Variants in HDAC9 observed in about 807,000 individuals in gnomAD.
HDAC9 encodes the protein histone deacetylase 9.
In HDAC9, 41 loss-of-function variants were observed where a neutral mutation model predicts 139.4. That is an observed-to-expected ratio of 0.29 (90% CI 0.23 to 0.38). HDAC9 has a LOEUF of 0.38. HDAC9 is among the 10% of genes least tolerant of loss of function. HDAC9 has a pLI of 1.00. For synonymous variants in HDAC9, 517 were observed against 476.2 expected (o/e 1.09, Z -1.12); for missense variants, 1,147 against 1,297.0 (o/e 0.88, Z 1.78).
chr7:18,689,855 A>G (rs1203969431), intron 12 of HDAC9, among the ~76,000 whole-genome samples: 2 of 152,004 alleles, frequency 1.3e-5, no homozygotes, highest in African/African-American at 4.8e-5. Context: ...GAGAGGGAAT[A>G]ATCCAAATTG....
intron 2 of HDAC9, among the ~76,000 whole-genome samples, chr7:18,201,022 C>T (rs1407413386): frequency 6.6e-6 from 1 of 152,124 alleles, no homozygotes; most frequent in Admixed American, 6.5e-5. Flanking sequence ...TGGTTTGGTA[C>T]AGCCTCCTCG....
chr7:18,133,639 G>A (rs1239990776), intron 1 of HDAC9, among the ~76,000 whole-genome samples: 1 of 152,072 alleles, frequency 6.6e-6, no homozygotes, highest in Non-Finnish European at 1.5e-5. Flanking sequence ...CTTTTTAAAT[G>A]ACTTAATGGG....
intron 7 of HDAC9, 43 bp downstream of exon 7, chr7:18,629,524 A>AT: frequency 6.4e-7 from 1 of 1,557,870 alleles, no homozygotes; most frequent in South Asian, 1.2e-5. Context: ...GGGAGTAGGA[A>AT]TGAAAAAAAA....
At chr7:18,249,610 G>A (rs1176450456) in intron 2 of HDAC9, among the ~76,000 whole-genome samples, 1 of 151,036 alleles carries the variant, frequency 6.6e-6, no homozygotes, top group Non-Finnish European at 1.5e-5. Context: ...CTTCAAGTGA[G>A]CAAATCTGTC....
intron 1 of HDAC9, among the ~76,000 whole-genome samples, chr7:18,121,664 G>T (rs1271518243): frequency 1.3e-5 from 2 of 152,098 alleles, no homozygotes; most frequent in Admixed American, 1.3e-4. Context: ...CAGTGTGGCA[G>T]TCAAGTTAAC....
chr7:18,549,001 A>T (rs1003424310), intron 2 of HDAC9, among the ~76,000 whole-genome samples: 1 of 152,192 alleles, frequency 6.6e-6, no homozygotes, highest in African/African-American at 2.4e-5. Flanking sequence ...GCACTTTGGG[A>T]GGCCAAGGCG....
intron 1 of HDAC9, among the ~76,000 whole-genome samples, chr7:18,092,657 G>GA (rs897877578): frequency 6.6e-6 from 1 of 152,066 alleles, no homozygotes. Flanking sequence ...AGGGAAAGAA[G>GA]AAAAAATGAT....
chr7:18,262,273 C>A (rs533727008), intron 2 of HDAC9, among the ~76,000 whole-genome samples: 46 of 152,274 alleles, frequency 3.0e-4, no homozygotes, highest in African/African-American at 1.1e-3. Flanking sequence ...AAAAGAGTCT[C>A]AATAAGGCTG....
At chr7:18,726,715 TTAA>T (rs1477759877) in intron 12 of HDAC9, among the ~76,000 whole-genome samples, 2 of 150,446 alleles carry the variant, frequency 1.3e-5, no homozygotes, top group Non-Finnish European at 3.0e-5. Context: ...AAATTCTTTA[TTAA>T]TAAATAAAAT....
chr7:18,448,389 T>C (rs1792491804), intron 1 of HDAC9, among the ~76,000 whole-genome samples: 1 of 152,136 alleles, frequency 6.6e-6, no homozygotes, highest in Non-Finnish European at 1.5e-5. Context: ...TCGTACAAAA[T>C]GCAAGAAAGC....
intron 25 of HDAC9, among the ~76,000 whole-genome samples, chr7:18,990,321 T>A (rs917566625): frequency 6.6e-6 from 1 of 151,922 alleles, no homozygotes; most frequent in Non-Finnish European, 1.5e-5. Flanking sequence ...GAGGTGTCAG[T>A]GTGCCCCTGC....
intron 17 of HDAC9, among the ~76,000 whole-genome samples, chr7:18,807,683 A>G (rs2129187614): frequency 6.6e-6 from 1 of 151,996 alleles, no homozygotes; most frequent in East Asian, 1.9e-4. Context: ...TATTTGACCC[A>G]TTGGTTTCCC....
intron 2 of HDAC9, among the ~76,000 whole-genome samples, chr7:18,169,323 C>T (rs953048159): frequency 6.6e-6 from 1 of 152,084 alleles, no homozygotes. Context: ...TTATCCACTG[C>T]ACCCCTCTTA....
chr7:18,763,863 T>G (rs1242825370), intron 15 of HDAC9, among the ~76,000 whole-genome samples: 1 of 152,058 alleles, frequency 6.6e-6, no homozygotes, highest in South Asian at 2.1e-4. Flanking sequence ...AAATCAACCT[T>G]CCAACTTTAT....
chr7:18,187,083 A>T (rs779815297), intron 2 of HDAC9, among the ~76,000 whole-genome samples: 6 of 152,238 alleles, frequency 3.9e-5, no homozygotes, highest in Non-Finnish European at 8.8e-5. Flanking sequence ...TTATAGCAGT[A>T]ATAATTTATT....
rs532502240 is a variant in HDAC9, at chr7:18,142,074, T to C, written c.-96-20155T>C. 4.9e-5 allele frequency among the ~76,000 whole-genome samples: 7 copies of C among 142,742 alleles called. No homozygotes were observed. The East Asian group carries it at 1.4e-3, about 28-fold the overall frequency. 93.6% of individuals were successfully genotyped at this position (142,742 alleles called of 152,430 possible). A position where few individuals can be genotyped will look rare whatever the true frequency, so the allele number is the denominator to read the frequency against. On this transcript the variant is annotated intron_variant, in intron 1 of 12. Transcript: ENST00000417496. ...CCTAAATCCTAATTGAGTGACAAGT[T>C]CTATTTGAAGAATTCCAGCACTTCA...
chr7:18,820,451 A>G (rs1011227693), intron 17 of HDAC9, among the ~76,000 whole-genome samples: 2 of 152,214 alleles, frequency 1.3e-5, no homozygotes, highest in Admixed American at 1.3e-4. Flanking sequence ...TCACAGTTTC[A>G]TCAAATCAAT....
chr7:18,738,577 G>T (rs1787144245), intron 13 of HDAC9, among the ~76,000 whole-genome samples: 1 of 152,202 alleles, frequency 6.6e-6, no homozygotes, highest in Non-Finnish European at 1.5e-5. Context: ...TGAGAATGTT[G>T]AATATTGGCC....
chr7:18,460,493 A>T (rs1793741028), intron 1 of HDAC9, among the ~76,000 whole-genome samples: 1 of 152,046 alleles, frequency 6.6e-6, no homozygotes, highest in Non-Finnish European at 1.5e-5. Flanking sequence ...TTAAGAGTAG[A>T]TTATCCTGGG....
Sources: allele counts gnomAD v4.1 joint callset (sites outside exome capture counted in the v4.1 genomes callset), GRCh38; gene constraint gnomAD v4.1.1; transcripts MANE v1.5; gene names NCBI Gene and HGNC (gene_info 2026-07-23, HGNC 2026-07-21).